The following CNTNAP3B variants were observed in gnomAD, a reference collection of about 807,000 sequenced individuals.
The protein encoded by CNTNAP3B is contactin associated protein family member 3B.
Under a neutral mutation model 108.9 loss-of-function variants are expected in CNTNAP3B, and 25 were observed. The ratio of observed to expected loss-of-function variants is 0.23; its 90% CI spans 0.17 to 0.32. The LOEUF is 0.32. Ranked by LOEUF, CNTNAP3B falls within the 10% of genes least tolerant of loss-of-function variation. The pLI, the probability that CNTNAP3B is intolerant of heterozygous loss-of-function variation, is 1.00. For synonymous variants in CNTNAP3B, 103 were observed against 473.4 expected (o/e 0.22, Z 10.16); for missense variants, 252 against 1,210.4 (o/e 0.21, Z 11.75).
chr9:42,119,899 C>G (rs1459287406), intron 1 of CNTNAP3B, among the ~76,000 whole-genome samples: 1 of 140,076 alleles, frequency 7.1e-6, no homozygotes, highest in East Asian at 2.2e-4. Context: ...CAATACCATT[C>G]AGGACACAGT....
chr9:41,941,388 G>C (rs1414739534), intron 13 of CNTNAP3B, among the ~76,000 whole-genome samples: 1 of 146,666 alleles, frequency 6.8e-6, no homozygotes, highest in African/African-American at 2.5e-5. Context: ...AAATTTGAAA[G>C]AAAGCAGAAT....
chr9:41,942,387 G>T (rs1292955507), intron 13 of CNTNAP3B, among the ~76,000 whole-genome samples: 1 of 152,280 alleles, frequency 6.6e-6, no homozygotes, highest in Admixed American at 6.5e-5. Flanking sequence ...GAGGCGGGCG[G>T]ATCACGAGGT....
At chr9:41,937,245 C>T (rs1325139738) in intron 14 of CNTNAP3B, among the ~76,000 whole-genome samples, 4 of 150,912 alleles carry the variant, frequency 2.7e-5, no homozygotes, top group Non-Finnish European at 5.9e-5. Context: ...TACTGTCTCA[C>T]CCTCCTGAGC....
At chr9:42,070,548 C>A (rs1365000026) in intron 3 of CNTNAP3B, among the ~76,000 whole-genome samples, 1 of 143,604 alleles carries the variant, frequency 7.0e-6, no homozygotes, top group African/African-American at 2.7e-5. Flanking sequence ...TACCCAGCCA[C>A]ACCCTCAGCC....
chr9:42,093,153 G>A (rs1294104222), intron 2 of CNTNAP3B, among the ~76,000 whole-genome samples: 7 of 95,884 alleles, frequency 7.3e-5, no homozygotes, highest in Non-Finnish European at 1.3e-4. Flanking sequence ...AGTTGAGCCT[G>A]GCCAACATGG....
rs533669696 is a variant in CNTNAP3B, at chr9:41,955,662, C to A, written c.1877-2276G>T. 3.3e-5 allele frequency among the ~76,000 whole-genome samples: 5 copies of A among 152,404 alleles called. No individual in the cohort carries two copies. In the South Asian group the frequency reaches 1.0e-3, roughly 32 times the overall value. On this transcript the variant is annotated intron_variant, in intron 12 of 23. Coordinates refer to ENST00000377561, the MANE Select transcript of CNTNAP3B (RefSeq NM_001201380.3). ...TTGGACCTGAGTAGATTAATTATAA[C>A]AGTGGCTAAATGTGGAAAGGGGTTC... is the stretch of plus-strand genomic sequence containing the variant.
intron 11 of CNTNAP3B, among the ~76,000 whole-genome samples, chr9:41,962,644 C>T (rs1286797184): frequency 2.8e-5 from 4 of 142,302 alleles, no homozygotes; most frequent in South Asian, 4.5e-4. Flanking sequence ...GTGTGAGAGG[C>T]CACTCAACTC....
At chr9:41,934,415 T>C (rs1238342966) in intron 14 of CNTNAP3B, among the ~76,000 whole-genome samples, 1,104 of 151,714 alleles carry the variant, frequency 7.3e-3, no homozygotes, top group African/African-American at 0.026. Flanking sequence ...AGAGACGGGG[T>C]TTCACCTGTG....
chr9:41,977,242 T>A (rs1349235484), intron 9 of CNTNAP3B, among the ~76,000 whole-genome samples: 2 of 151,698 alleles, frequency 1.3e-5, no homozygotes, highest in East Asian at 3.9e-4. Flanking sequence ...CTAAAGGTGA[T>A]ACTATATTTA....
At chr9:42,114,020 G>A (rs1486400591) in intron 1 of CNTNAP3B, among the ~76,000 whole-genome samples, 4 of 125,086 alleles carry the variant, frequency 3.2e-5, no homozygotes, top group Non-Finnish European at 6.6e-5. Context: ...GTCTGAATGA[G>A]AATATAAGGT....
chr9:41,919,752 C>A (rs913310058), intron 18 of CNTNAP3B, among the ~76,000 whole-genome samples: 81 of 152,222 alleles, frequency 5.3e-4, no homozygotes, highest in African/African-American at 1.9e-3. Flanking sequence ...AAGAATGATG[C>A]TTTACTGATG....
intron 12 of CNTNAP3B, among the ~76,000 whole-genome samples, chr9:41,954,838 C>A (rs1824806482): frequency 6.6e-6 from 1 of 152,260 alleles, no homozygotes; most frequent in Admixed American, 6.5e-5. Flanking sequence ...CACACACCAC[C>A]ACACCTGGCT....
chr9:41,966,262 TA>T (rs1214821644), intron 10 of CNTNAP3B, among the ~76,000 whole-genome samples: 3 of 152,290 alleles, frequency 2.0e-5, no homozygotes, highest in Non-Finnish European at 4.4e-5. Flanking sequence ...CCACAAATTT[TA>T]AAAAACATTA....
At chr9:41,924,688 CACAG>C (rs1823764498) in intron 15 of CNTNAP3B, among the ~76,000 whole-genome samples, 1 of 146,014 alleles carries the variant, frequency 6.8e-6, no homozygotes, top group Non-Finnish European at 1.5e-5. Flanking sequence ...CACACACACA[CACAG>C]TCTTAATTCC....
chr9:41,932,720 A>G (rs1588047685), intron 14 of CNTNAP3B, among the ~76,000 whole-genome samples: 1 of 151,960 alleles, frequency 6.6e-6, no homozygotes, highest in African/African-American at 2.4e-5. Context: ...GGGTTTCACC[A>G]TGTTGGTCAG....
At chr9:41,926,143 C>T (rs1322174782) in intron 15 of CNTNAP3B, among the ~76,000 whole-genome samples, 119 of 152,328 alleles carry the variant, frequency 7.8e-4, no homozygotes, top group Non-Finnish European at 1.5e-3. Context: ...TAACCCAGCA[C>T]CACAGGGTTC....
intron 2 of CNTNAP3B, among the ~76,000 whole-genome samples, chr9:42,097,448 T>C (rs1278440372): frequency 7.1e-6 from 1 of 140,122 alleles, no homozygotes; most frequent in East Asian, 2.2e-4. Context: ...CTAGTCCAGA[T>C]TGTGAAATTT....
chr9:41,951,790 G>A, intron 13 of CNTNAP3B, among the ~76,000 whole-genome samples: 1 of 152,222 alleles, frequency 6.6e-6, no homozygotes, highest in Non-Finnish European at 1.5e-5. Flanking sequence ...ATTTAAGAGT[G>A]TGAGGGCCGG....
At chr9:41,916,476 T>C (rs954404593) in intron 18 of CNTNAP3B, among the ~76,000 whole-genome samples, 116 of 152,312 alleles carry the variant, frequency 7.6e-4, no homozygotes, top group African/African-American at 2.6e-3. Flanking sequence ...CCCTTCAACC[T>C]GAAGGAACGT....
Sources: gnomAD v4.1 joint callset for allele counts (sites outside exome capture counted in the v4.1 genomes callset) on GRCh38, gnomAD v4.1.1 for gene constraint, MANE v1.5 for transcripts, NCBI Gene and HGNC (gene_info 2026-07-23, HGNC 2026-07-21) for gene names.